The following ROBO1 variants were observed in gnomAD, a reference collection of about 807,000 sequenced individuals.
The protein encoded by ROBO1 is roundabout guidance receptor 1.
ROBO1 carries 149 observed loss-of-function variants against 195.9 expected under a neutral mutation model. The observed-to-expected ratio is 0.76, with a 90% CI of 0.67 to 0.87. The LOEUF is 0.87. ROBO1 is among the 40% of genes least tolerant of loss of function. The pLI is 0.00. For missense variants in ROBO1, 1,933 were observed against 2,068.3 expected, an observed-to-expected ratio of 0.93 and a Z score of 1.27; for synonymous variants, 816 against 733.2, an observed-to-expected ratio of 1.11 and a Z score of -1.82.
chr3:79,090,474 C>T (rs1267242717), intron 3 of ROBO1, among the ~76,000 whole-genome samples: 1 of 149,504 alleles, frequency 6.7e-6, no homozygotes, highest in East Asian at 2.0e-4. Flanking sequence ...CCGCTTCCCT[C>T]CTGTTCCTTT....
intron 1 of ROBO1, among the ~76,000 whole-genome samples, chr3:79,657,878 T>C (rs781620940): frequency 2.6e-5 from 4 of 152,046 alleles, no homozygotes; most frequent in Non-Finnish European, 4.4e-5. Context: ...ATCTATACCC[T>C]ACTGATGGAC....
chr3:78,919,553 C>T (rs1311678699), intron 4 of ROBO1, among the ~76,000 whole-genome samples: 1 of 152,154 alleles, frequency 6.6e-6, no homozygotes, highest in South Asian at 2.1e-4. Context: ...GTGGATTGTC[C>T]TGTCAATATC....
At chr3:79,023,699 T>G (rs1472299136) in intron 3 of ROBO1, among the ~76,000 whole-genome samples, 2 of 2,172 alleles carry the variant, frequency 9.2e-4, no homozygotes, top group Non-Finnish European at 1.3e-3. Context: ...AGACAGAGTT[T>G]TTTTTTTTTT....
At chr3:79,767,326 C>A (rs1485055864) in intron 1 of ROBO1, among the ~76,000 whole-genome samples, 1 of 152,170 alleles carries the variant, frequency 6.6e-6, no homozygotes, top group African/African-American at 2.4e-5. Flanking sequence ...ATGCTCGCCG[C>A]ATCCCTAGAG....
At chr3:78,728,113 G>C (rs2082206438) in intron 5 of ROBO1, among the ~76,000 whole-genome samples, 1 of 151,864 alleles carries the variant, frequency 6.6e-6, no homozygotes, top group Non-Finnish European at 1.5e-5. Context: ...AAAAGCTATT[G>C]ATTCTTGCTT....
At chr3:79,476,179 G>T (rs1938536747) in intron 2 of ROBO1, among the ~76,000 whole-genome samples, 5 of 151,952 alleles carry the variant, frequency 3.3e-5, no homozygotes, top group Admixed American at 2.6e-4. Context: ...GGAAGCACAA[G>T]TCAAAACCAC....
chr3:78,849,208 G>C (rs147908113), intron 4 of ROBO1, among the ~76,000 whole-genome samples: 90 of 152,208 alleles, frequency 5.9e-4, no homozygotes, highest in Non-Finnish European at 1.1e-3. Context: ...TGATGGGTGG[G>C]CAATTCCGTG....
chr3:78,823,081 A>C (rs72894471), intron 4 of ROBO1, among the ~76,000 whole-genome samples: 4,624 of 152,288 alleles, frequency 0.03, 189 homozygotes, highest in African/African-American at 0.095. Flanking sequence ...CAAAACTGAA[A>C]TGCTGCTGTC....
chr3:79,166,986 C>A (rs1432320761), intron 2 of ROBO1, among the ~76,000 whole-genome samples: 3 of 151,936 alleles, frequency 2.0e-5, no homozygotes, highest in Non-Finnish European at 1.5e-5. Context: ...ATGCCTGAGG[C>A]GATGTGCACA....
At chr3:79,254,401 T>C (rs1418287766) in intron 2 of ROBO1, among the ~76,000 whole-genome samples, 1 of 152,084 alleles carries the variant, frequency 6.6e-6, no homozygotes, top group Non-Finnish European at 1.5e-5. Flanking sequence ...CTCTTTTTAA[T>C]TCCTCCAATT....
intron 2 of ROBO1, among the ~76,000 whole-genome samples, chr3:79,406,592 T>C (rs1375854022): frequency 6.6e-6 from 1 of 151,858 alleles, no homozygotes; most frequent in African/African-American, 2.4e-5. Context: ...GTGTGGTGTG[T>C]GTGTGTGTTT....
intron 2 of ROBO1, among the ~76,000 whole-genome samples, chr3:79,377,860 T>C (rs2036438194): frequency 6.6e-6 from 1 of 152,160 alleles, no homozygotes; most frequent in African/African-American, 2.4e-5. Context: ...CCTAAAACTA[T>C]TTTGAATGTT....
At chr3:78,686,036 T>C in intron 9 of ROBO1, 119 bp from the exon 10 acceptor site, 2 of 792,512 alleles carry the variant, frequency 2.5e-6, no homozygotes, top group Non-Finnish European at 3.9e-6. Flanking sequence ...CATACACATA[T>C]GCATATGTAT....
At chr3:79,032,952 G>T (rs2078322533) in intron 3 of ROBO1, among the ~76,000 whole-genome samples, 1 of 152,022 alleles carries the variant, frequency 6.6e-6, no homozygotes, top group Admixed American at 6.6e-5. Flanking sequence ...TCATTAACTA[G>T]ATGGGACCTT....
At chr3:78,931,960 G>A (rs1248117742) in intron 4 of ROBO1, among the ~76,000 whole-genome samples, 1 of 152,092 alleles carries the variant, frequency 6.6e-6, no homozygotes, top group African/African-American at 2.4e-5. Flanking sequence ...TGGTGACACA[G>A]TAAGATCCTG....
At chr3:79,693,558 A>G (rs369763953) in intron 1 of ROBO1, among the ~76,000 whole-genome samples, 1 of 151,630 alleles carries the variant, frequency 6.6e-6, no homozygotes, top group East Asian at 1.9e-4. Flanking sequence ...TCAGTTTCCA[A>G]GTAGGTAGGG....
At chr3:79,054,582 G>T (rs2078767205) in intron 3 of ROBO1, among the ~76,000 whole-genome samples, 1 of 152,052 alleles carries the variant, frequency 6.6e-6, no homozygotes. Flanking sequence ...CAATCAAACT[G>T]GCCCCACTAA....
chr3:78,725,975 A>T (rs1460033608), intron 5 of ROBO1, among the ~76,000 whole-genome samples: 1 of 151,546 alleles, frequency 6.6e-6, no homozygotes, highest in Non-Finnish European at 1.5e-5. Context: ...AATGTTATCC[A>T]TACACCTCTA....
chr3:78,897,839 C>T (rs1476631147), intron 4 of ROBO1, among the ~76,000 whole-genome samples: 1 of 151,676 alleles, frequency 6.6e-6, no homozygotes, highest in Non-Finnish European at 1.5e-5. Context: ...TGAGTTGTAC[C>T]AAAAAGATGA....
Sources: allele counts gnomAD v4.1 joint callset (sites outside exome capture counted in the v4.1 genomes callset), GRCh38; gene constraint gnomAD v4.1.1; transcripts MANE v1.5; gene names NCBI Gene and HGNC (gene_info 2026-07-23, HGNC 2026-07-21).